Variants in MFSD8 observed in about 807,000 individuals in gnomAD.
The protein encoded by MFSD8 is major facilitator superfamily domain-containing protein 8.
MFSD8 carries 55 observed loss-of-function variants against 66.4 expected under a neutral mutation model. The observed-to-expected ratio is 0.83, with a 90% CI of 0.67 to 1.04. The LOEUF (loss-of-function observed/expected upper bound fraction) is 1.04, where lower values mean the gene tolerates loss of function less well. MFSD8 is among the 50% of genes least tolerant of loss of function. The pLI is 0.00. For missense variants in MFSD8, 550 were observed against 627.6 expected, an observed-to-expected ratio of 0.88 and a Z score of 1.32; for synonymous variants, 202 against 212.8, an observed-to-expected ratio of 0.95 and a Z score of 0.44.
chr4:127,951,654 T>C (rs758856770), intron 2 of MFSD8, among the ~76,000 whole-genome samples: 2 of 152,114 alleles, frequency 1.3e-5, no homozygotes, highest in African/African-American at 4.8e-5. Flanking sequence ...TTGTACTCTA[T>C]AGAGTTTTAT....
chr4:127,933,016 C>T lies in MFSD8; in HGVS notation c.832G>A (p.Val278Met), dbSNP rs796052743. 11 of 1,613,438 alleles carry T rather than the reference C, an allele frequency of 6.8e-6. 1 individual carries two copies. In the Admixed American group the frequency reaches 1.8e-4, roughly 27 times the overall value. ...AAAAGGGCAAAGATAAATAGAGTCA[C>T]AAAAAACAGAACATTGATGGCCACA... Reference protein sequence around the residue: ...AVVAINVLFFVTLFIFALFET... With the variant: ...AVVAINVLFFMTLFIFALFET... The change falls in exon 8 of 12, where the codon GTG becomes ATG. Residue 278 changes from valine to methionine, a missense_variant. Physicochemically the swap from Val to Met is conservative, Grantham distance 21. Coordinates refer to ENST00000641686, the MANE Select transcript of MFSD8 (RefSeq NM_001371596.2).
chr4:127,932,351 A>C (rs947469872), intron 8 of MFSD8: 1 of 152,214 alleles, frequency 6.6e-6, no homozygotes, highest in Non-Finnish European at 1.5e-5. Context: ...TAATAGATAC[A>C]TGTATATACA....
At chr4:127,955,217 G>A (rs1401239629) in intron 2 of MFSD8, among the ~76,000 whole-genome samples, 1 of 152,256 alleles carries the variant, frequency 6.6e-6, no homozygotes, top group East Asian at 1.9e-4. Flanking sequence ...CAGCCAAGAG[G>A]TGGAAGCAAC....
At chr4:127,927,893 A>AT (rs1471027642) in intron 9 of MFSD8, among the ~76,000 whole-genome samples, 1 of 151,932 alleles carries the variant, frequency 6.6e-6, no homozygotes, top group East Asian at 1.9e-4. Context: ...TAGGGATCTC[A>AT]TTATATCATA....
chr4:127,919,535 T>C lies in MFSD8; in HGVS notation c.*1095A>G, dbSNP rs1319690956. ...GGTAGAAGTTAAACATACAGTGTTA[T>C]TTAGCCAACTTCAGGTAAACTCAGT... On this transcript the variant is annotated 3_prime_UTR_variant, in exon 12 of 12. Coordinates refer to ENST00000641686, the MANE Select transcript of MFSD8 (RefSeq NM_001371596.2). 1 of 152,210 alleles carries C rather than the reference T, an allele frequency of 6.6e-6. No individual in the cohort carries two copies. The highest frequency in any genetic ancestry group is 1.5e-5 in the Non-Finnish European group (1 of 68,038). The allele number at this position is 152,210 out of a possible 1,614,324, so 9.4% of individuals were successfully genotyped here.
chr4:127,955,463 C>T (rs925152132), intron 2 of MFSD8, among the ~76,000 whole-genome samples: 5 of 151,542 alleles, frequency 3.3e-5, no homozygotes, highest in Admixed American at 1.3e-4. Flanking sequence ...TTGCTTGAAC[C>T]CCGCAGGCGG....
At position 127,920,472 on chromosome 4, in the gene MFSD8, G is replaced by A; in HGVS notation, c.*158C>T. Reference sequence around the variant, plus strand: ...TATAACCTACTATTCACAATGACATGTAGAATTCTCTCTGTTATTCAACAT... The same window carrying A: ...TATAACCTACTATTCACAATGACATATAGAATTCTCTCTGTTATTCAACAT... On this transcript the variant is annotated 3_prime_UTR_variant, in exon 12 of 12. Coordinates refer to ENST00000641686, the MANE Select transcript of MFSD8 (RefSeq NM_001371596.2). 1.4e-6 allele frequency: 1 copy of A among 733,310 alleles called. No homozygotes were observed. Among genetic ancestry groups the A allele is most frequent in the Non-Finnish European group, 2.4e-6 (1 of 413,506 alleles). The allele number at this position is 733,310 out of a possible 1,614,324, so 45.4% of individuals were successfully genotyped here. A position where few individuals can be genotyped will look rare whatever the true frequency, so the allele number is the denominator to read the frequency against.
chr4:127,936,207 AG>A (rs1560740887), intron 7 of MFSD8, among the ~76,000 whole-genome samples: 1 of 151,838 alleles, frequency 6.6e-6, no homozygotes, highest in African/African-American at 2.4e-5. Flanking sequence ...TCTGCCTCCC[AG>A]GTTCAAGCGA....
At chr4:127,924,375 A>G (rs999498664) in intron 9 of MFSD8, among the ~76,000 whole-genome samples, 2 of 152,192 alleles carry the variant, frequency 1.3e-5, no homozygotes, top group African/African-American at 4.8e-5. Flanking sequence ...CTTAAGCGAC[A>G]AGCAACTTCA....
rs1054056755 is a variant in MFSD8, at chr4:127,939,632, A to C, written c.698+221T>G. 33 of 220,232 alleles carry C rather than the reference A, an allele frequency of 1.5e-4. No individual in the cohort carries two copies. The East Asian group carries it at 2.7e-3, about 18-fold the overall frequency. 13.6% of individuals were successfully genotyped at this position (220,232 alleles called of 1,614,324 possible). On this transcript the variant is annotated intron_variant, in intron 6 of 11. Transcript: ENST00000641686. ...AAAAAAAAAAAAAAAAAAAAAAAAA[A>C]CTTTGAATCTTCAAAGACCTTCCTT...
chr4:127,929,322 CAAAA>C (rs543453360), intron 9 of MFSD8, among the ~76,000 whole-genome samples: 14 of 30,362 alleles, frequency 4.6e-4, no homozygotes, highest in African/African-American at 2.4e-3. Context: ...GACTCCGTCA[CAAAA>C]AAAAAAAAAA....
intron 11 of MFSD8, 133 bp from the exon 12 acceptor site, chr4:127,920,969 T>C (rs1297746988): frequency 1.2e-6 from 1 of 809,730 alleles, no homozygotes; most frequent in Non-Finnish European, 1.9e-6. Flanking sequence ...AAATTAAACA[T>C]AAAATGCCTC....
At chr4:127,931,418 C>T (rs1361258840) in intron 8 of MFSD8, among the ~76,000 whole-genome samples, 1 of 152,164 alleles carries the variant, frequency 6.6e-6, no homozygotes, top group Non-Finnish European at 1.5e-5. Context: ...AGTGCAGTGG[C>T]ATGATCTTGG....
intron 9 of MFSD8, among the ~76,000 whole-genome samples, chr4:127,930,429 T>C (rs1737932611): frequency 6.6e-6 from 1 of 152,166 alleles, no homozygotes; most frequent in African/African-American, 2.4e-5. Context: ...AGAACAATGG[T>C]TTATGAAATA....
rs929058333 is a variant in MFSD8 at position 127,942,054 on chromosome 4, G to A, written c.544C>T (p.Leu182=). 3.7e-6 allele frequency: 6 copies of A among 1,613,350 alleles called. No individual in the cohort carries two copies. The African/African-American group carries it at 4.0e-5, about 11-fold the overall frequency. The change falls in exon 5 of 12, where the codon CTA becomes TTA. Residue 182 remains leucine, a synonymous_variant. Transcript: ENST00000641686. ...ISMCQALGFI[L]GPVFQTCFTF... is the part of the protein sequence containing the mutation. ...TGTGAAGAACACCTACCTGGACCTA[G>A]AATAAAACCTAATGCTTGACACATG...
intron 7 of MFSD8, among the ~76,000 whole-genome samples, chr4:127,937,383 T>A (rs534154930): frequency 6.6e-6 from 1 of 152,302 alleles, no homozygotes; most frequent in East Asian, 1.9e-4. Flanking sequence ...CTGGCAGCAA[T>A]GTTGGCTTTC....
intron 9 of MFSD8, among the ~76,000 whole-genome samples, chr4:127,929,966 G>T (rs548253600): frequency 6.6e-6 from 1 of 152,250 alleles, no homozygotes; most frequent in African/African-American, 2.4e-5. Context: ...ACTTATGCTG[G>T]GCGCAGTGGC....
chr4:127,927,696 C>A (rs979651847), intron 9 of MFSD8, among the ~76,000 whole-genome samples: 1 of 152,014 alleles, frequency 6.6e-6, no homozygotes, highest in Non-Finnish European at 1.5e-5. Flanking sequence ...CAAAATGATT[C>A]TTTTTTTAAG....
rs1736033923 is a variant in MFSD8 at position 127,918,374 on chromosome 4, C to A, written c.*2256G>T. On this transcript the variant is annotated 3_prime_UTR_variant, in exon 12 of 12. Transcript: ENST00000641686. ...GTATAATCCTCCAAAGAAGAAAATG[C>A]TCCAAAGAAAATGCTCTCAATAAAA... The A allele has an allele frequency of 6.6e-6, 1 of 152,128 alleles. No homozygotes were observed. Among genetic ancestry groups the A allele is most frequent in the Non-Finnish European group, 1.5e-5 (1 of 68,032 alleles). The allele number at this position is 152,128 out of a possible 1,614,324, so 9.4% of individuals were successfully genotyped here.
Sources: gnomAD v4.1 joint callset for allele counts (sites outside exome capture counted in the v4.1 genomes callset) on GRCh38, gnomAD v4.1.1 for gene constraint, MANE v1.5 for transcripts, NCBI Gene and HGNC (gene_info 2026-07-23, HGNC 2026-07-21) for gene names.